The following RANBP2 variants were observed in gnomAD, a reference collection of about 807,000 sequenced individuals.
The protein encoded by RANBP2 is RAN binding protein 2, also known as E3 SUMO-protein ligase RanBP2.
Under a neutral mutation model 303.6 loss-of-function variants are expected in RANBP2, and 57 were observed. The observed-to-expected ratio is 0.19, with a 90% CI of 0.15 to 0.23. The LOEUF (loss-of-function observed/expected upper bound fraction) is 0.23. RANBP2 is among the 10% of genes least tolerant of loss of function. The probability of loss-of-function intolerance (pLI) is 1.00; values close to 1 mark genes in which losing one functional copy is unlikely to be tolerated. For missense variants in RANBP2, 3,138 were observed against 3,780.8 expected (o/e 0.83, Z 4.46); for synonymous variants, 1,167 against 1,301.5 (o/e 0.90, Z 2.23).
At chr2:109,588,141 C>T in the RANBP2 span, among the ~76,000 whole-genome samples, 1 of 151,746 alleles carries the variant, frequency 6.6e-6, no homozygotes, top group Non-Finnish European at 1.5e-5. Context: ...ATTCTACAGC[C>T]AATGAAAACA....
chr2:108,839,380 T>G, the RANBP2 span: 1 of 1,181,446 alleles, frequency 8.5e-7, no homozygotes, highest in Non-Finnish European at 1.2e-6. Context: ...CAATATCTGT[T>G]TTGAATATAT....
the RANBP2 span, among the ~76,000 whole-genome samples, chr2:109,377,352 A>C: frequency 0.012 from 1,765 of 152,268 alleles, 24 homozygotes; most frequent in African/African-American, 0.033. Flanking sequence ...CCAGCTGCTG[A>C]TGATGAGCCT....
chr2:109,532,818 C>A, the RANBP2 span, among the ~76,000 whole-genome samples: 1 of 152,160 alleles, frequency 6.6e-6, no homozygotes, highest in South Asian at 2.1e-4. Flanking sequence ...TGTCATTCTG[C>A]CCCGTGACGC....
the RANBP2 span, among the ~76,000 whole-genome samples, chr2:109,469,286 A>G: frequency 6.6e-6 from 1 of 152,200 alleles, no homozygotes; most frequent in Admixed American, 6.5e-5. Context: ...CCCTAAAGAC[A>G]CCACCTCACT....
the RANBP2 span, among the ~76,000 whole-genome samples, chr2:109,138,189 G>A: frequency 6.6e-6 from 1 of 152,142 alleles, no homozygotes; most frequent in Non-Finnish European, 1.5e-5. Context: ...CTAACGCCCG[G>A]CTAATTTTTT....
the RANBP2 span, among the ~76,000 whole-genome samples, chr2:109,610,806 T>C: frequency 2.8e-4 from 42 of 152,160 alleles, no homozygotes; most frequent in Admixed American, 2.4e-3. Flanking sequence ...TAAATCGATA[T>C]AAACATTTAA....
the RANBP2 span, among the ~76,000 whole-genome samples, chr2:109,206,794 T>G: frequency 2.0e-5 from 3 of 152,156 alleles, no homozygotes; most frequent in African/African-American, 7.2e-5. Flanking sequence ...CCAGCCTGGG[T>G]GACAAGAGAG....
chr2:109,441,743 C>T, the RANBP2 span, among the ~76,000 whole-genome samples: 1 of 151,842 alleles, frequency 6.6e-6, no homozygotes, highest in Non-Finnish European at 1.5e-5. Context: ...TGTAACAAGG[C>T]AAATCACAAT....
the RANBP2 span, among the ~76,000 whole-genome samples, chr2:109,287,816 G>A: frequency 1.3e-5 from 2 of 152,140 alleles, no homozygotes. Context: ...CAGTTTTAGG[G>A]CGCTGCACTC....
chr2:109,217,495 A>G, the RANBP2 span, among the ~76,000 whole-genome samples: 1 of 152,192 alleles, frequency 6.6e-6, no homozygotes, highest in East Asian at 1.9e-4. Context: ...CATCTTAGTA[A>G]TAGGAAGAAG....
the RANBP2 span, among the ~76,000 whole-genome samples, chr2:109,004,581 C>G: frequency 1.3e-5 from 2 of 152,160 alleles, no homozygotes; most frequent in Non-Finnish European, 2.9e-5. Context: ...GGAGTGGGTT[C>G]CACCACTGCA....
the RANBP2 span, among the ~76,000 whole-genome samples, chr2:108,853,551 G>A: frequency 2.0e-5 from 3 of 148,756 alleles, no homozygotes; most frequent in East Asian, 5.9e-4. Context: ...TTGAGAGATG[G>A]GATCTCACGC....
chr2:109,543,418 T>C, the RANBP2 span: 1 of 152,180 alleles, frequency 6.6e-6, no homozygotes, highest in East Asian at 1.9e-4. Flanking sequence ...TCAGCCATAA[T>C]AAGGCATAAT....
intron 17 of RANBP2, among the ~76,000 whole-genome samples, chr2:108,756,131 G>A (rs1432300568): frequency 6.6e-6 from 1 of 152,142 alleles, no homozygotes; most frequent in Non-Finnish European, 1.5e-5. Context: ...AGAGTTCGTG[G>A]CACAGAGAAG....
At chr2:109,056,229 A>G in the RANBP2 span, among the ~76,000 whole-genome samples, 6 of 152,066 alleles carry the variant, frequency 3.9e-5, no homozygotes, top group Non-Finnish European at 7.4e-5. Flanking sequence ...CAGTGGTGCA[A>G]TGTCATAGCT....
chr2:109,325,311 ATTTCTTTC>A, the RANBP2 span, among the ~76,000 whole-genome samples: 738 of 119,228 alleles, frequency 6.2e-3, 15 homozygotes, highest in African/African-American at 0.022. Context: ...CTGCCATTTA[ATTTCTTTC>A]TTTCTTTCTT....
At chr2:109,714,367 T>C in the RANBP2 span, among the ~76,000 whole-genome samples, 1 of 152,102 alleles carries the variant, frequency 6.6e-6, no homozygotes, top group African/African-American at 2.4e-5. Flanking sequence ...AGTGGTGTGA[T>C]ATTGGCTCAC....
At chr2:108,864,531 C>T in the RANBP2 span, among the ~76,000 whole-genome samples, 6 of 152,120 alleles carry the variant, frequency 3.9e-5, no homozygotes, top group South Asian at 2.1e-4. Context: ...GGCACGGTGG[C>T]TCACACCTGT....
downstream of RANBP2, among the ~76,000 whole-genome samples, chr2:108,787,404 T>C (rs1330495086): frequency 6.6e-6 from 1 of 152,198 alleles, no homozygotes; most frequent in Non-Finnish European, 1.5e-5. Context: ...TTTGAACTAT[T>C]TGAGGGTGAT....
Sources: allele counts gnomAD v4.1 joint callset (sites outside exome capture counted in the v4.1 genomes callset), GRCh38; gene constraint gnomAD v4.1.1; transcripts MANE v1.5; gene names NCBI Gene and HGNC (gene_info 2026-07-23, HGNC 2026-07-21).